MPPED2: variants seen among roughly 807,000 people sequenced by gnomAD.
The protein encoded by MPPED2 is metallophosphoesterase MPPED2.
A neutral mutation model predicts 33.0 loss-of-function variants in MPPED2; 5 were observed. The ratio of observed to expected loss-of-function variants is 0.15; its 90% CI spans 0.08 to 0.32. The LOEUF (loss-of-function observed/expected upper bound fraction) is 0.32, where lower values mean the gene tolerates loss of function less well. MPPED2 is among the 10% of genes least tolerant of loss of function. MPPED2 has a pLI of 1.00. For synonymous variants in MPPED2, 136 were observed against 141.9 expected (o/e 0.96, Z 0.29); for missense variants, 275 against 372.1 (o/e 0.74, Z 2.15).
chr11:30,498,441 C>T (rs764435959), intron 3 of MPPED2, among the ~76,000 whole-genome samples: 5 of 151,212 alleles, frequency 3.3e-5, no homozygotes, highest in African/African-American at 9.7e-5. Context: ...AAAAATTAGC[C>T]GGGTGTGGTA....
At chr11:30,524,598 A>G (rs1005995240) in intron 3 of MPPED2, among the ~76,000 whole-genome samples, 1 of 152,214 alleles carries the variant, frequency 6.6e-6, no homozygotes. Flanking sequence ...GTCAGGCTAT[A>G]GTGGGTGATC....
intron 6 of MPPED2, among the ~76,000 whole-genome samples, chr11:30,395,855 G>A (rs773364989): frequency 6.6e-6 from 1 of 152,200 alleles, no homozygotes; most frequent in East Asian, 1.9e-4. Flanking sequence ...ACATGTTCAC[G>A]GAGGTATTAA....
intron 6 of MPPED2, among the ~76,000 whole-genome samples, chr11:30,391,404 C>T (rs1471585468): frequency 2.0e-5 from 3 of 152,162 alleles, no homozygotes; most frequent in Non-Finnish European, 4.4e-5. Context: ...AGGTACCTAA[C>T]GTTATCAGTT....
At chr11:30,429,784 T>C (rs1234057381) in intron 4 of MPPED2, among the ~76,000 whole-genome samples, 1 of 152,178 alleles carries the variant, frequency 6.6e-6, no homozygotes, top group East Asian at 1.9e-4. Flanking sequence ...CCCTCAAGGC[T>C]CAATTCATAA....
At chr11:30,481,205 A>T (rs542590248) in intron 4 of MPPED2, among the ~76,000 whole-genome samples, 1 of 152,114 alleles carries the variant, frequency 6.6e-6, no homozygotes, top group Non-Finnish European at 1.5e-5. Flanking sequence ...CTATAATATG[A>T]ATAATGCCTT....
chr11:30,470,086 C>T (rs1434386149), intron 4 of MPPED2, among the ~76,000 whole-genome samples: 1 of 152,162 alleles, frequency 6.6e-6, no homozygotes, highest in Non-Finnish European at 1.5e-5. Context: ...ACTTTATCCA[C>T]TTTGATTTCA....
At chr11:30,431,235 G>A (rs2133845302) in intron 4 of MPPED2, among the ~76,000 whole-genome samples, 1 of 152,226 alleles carries the variant, frequency 6.6e-6, no homozygotes, top group East Asian at 1.9e-4. Context: ...TCTCTACATT[G>A]AGCCTCTGGC....
chr11:30,408,716 T>A (rs1289649342), downstream of MPPED2, among the ~76,000 whole-genome samples: 1 of 152,202 alleles, frequency 6.6e-6, no homozygotes, highest in Admixed American at 6.5e-5. Context: ...CCATTTTTCC[T>A]AGGGAAAGTT....
At chr11:30,503,059 C>T (rs1422960894) in intron 3 of MPPED2, among the ~76,000 whole-genome samples, 1 of 152,024 alleles carries the variant, frequency 6.6e-6, no homozygotes, top group Non-Finnish European at 1.5e-5. Context: ...AATTGTAGCT[C>T]CTGTTATCCC....
intron 4 of MPPED2, among the ~76,000 whole-genome samples, chr11:30,471,548 G>T (rs141586107): frequency 1.2e-3 from 183 of 152,336 alleles, no homozygotes; most frequent in African/African-American, 3.9e-3. Flanking sequence ...TACCCAAGCT[G>T]AATTGGGTGC....
rs199611856 is a variant in MPPED2 at position 30,583,134 on chromosome 11, C to CTTTTTTTTTTTTTTTTTTT, written c.-121-2659_-121-2641dup. 6.2e-4 allele frequency among the ~76,000 whole-genome samples: 60 copies of CTTTTTTTTTTTTTTTTTTT among 96,668 alleles called. 6 individuals are homozygous for CTTTTTTTTTTTTTTTTTTT. The highest frequency in any genetic ancestry group is 2.5e-3 in the African/African-American group (51 of 20,682). 63.4% of individuals were successfully genotyped at this position (96,668 alleles called of 152,430 possible). On this transcript the variant is annotated intron_variant, in intron 1 of 6. Coordinates refer to ENST00000358117, the MANE Select transcript of MPPED2 (RefSeq NM_001584.3). ...CACAAACACCTGGAAAAGACTTTTT[C>CTTTTTTTTTTTTTTTTTTT]TTTTTTTTTTTTTTTTTTTTTTTTT...
At chr11:30,442,394 A>G (rs898515478) in intron 4 of MPPED2, among the ~76,000 whole-genome samples, 1 of 152,228 alleles carries the variant, frequency 6.6e-6, no homozygotes, top group African/African-American at 2.4e-5. Context: ...ATTGCCCACT[A>G]TGTGTGAAAA....
chr11:30,467,965 T>A (rs1487154791), intron 4 of MPPED2, among the ~76,000 whole-genome samples: 1 of 151,288 alleles, frequency 6.6e-6, no homozygotes, highest in Admixed American at 6.6e-5. Flanking sequence ...TCCTTGGAGA[T>A]CACTTGGAAT....
chr11:30,447,901 A>G (rs746290730), intron 4 of MPPED2, among the ~76,000 whole-genome samples: 3 of 152,174 alleles, frequency 2.0e-5, no homozygotes, highest in Non-Finnish European at 4.4e-5. Flanking sequence ...CTTAGGGAGC[A>G]GATCCCCTTA....
At chr11:30,452,241 C>T (rs1950093401) in intron 4 of MPPED2, among the ~76,000 whole-genome samples, 1 of 152,192 alleles carries the variant, frequency 6.6e-6, no homozygotes, top group Admixed American at 6.5e-5. Flanking sequence ...TGTGCCCTTT[C>T]CCCTTTCACC....
chr11:30,558,153 T>C (rs1433076301), intron 2 of MPPED2, among the ~76,000 whole-genome samples: 1 of 152,108 alleles, frequency 6.6e-6, no homozygotes, highest in African/African-American at 2.4e-5. Flanking sequence ...CACACGTATA[T>C]ATTTTGTATG....
intron 2 of MPPED2, among the ~76,000 whole-genome samples, chr11:30,566,445 A>G (rs1956445548): frequency 6.6e-6 from 1 of 152,176 alleles, no homozygotes; most frequent in African/African-American, 2.4e-5. Context: ...GCATTAGTGT[A>G]CGAGTATCAG....
At chr11:30,538,704 C>G (rs1310867403) in intron 2 of MPPED2, among the ~76,000 whole-genome samples, 1 of 152,022 alleles carries the variant, frequency 6.6e-6, no homozygotes, top group Non-Finnish European at 1.5e-5. Flanking sequence ...CCAAAGTAGA[C>G]AGCAAGACAA....
At chr11:30,395,112 A>G (rs1217067381) in intron 6 of MPPED2, among the ~76,000 whole-genome samples, 1 of 152,126 alleles carries the variant, frequency 6.6e-6, no homozygotes, top group Non-Finnish European at 1.5e-5. Flanking sequence ...ATTTATCATA[A>G]TTGTTCAAGT....
Sources: allele counts gnomAD v4.1 joint callset (sites outside exome capture counted in the v4.1 genomes callset), GRCh38; gene constraint gnomAD v4.1.1; transcripts MANE v1.5; gene names NCBI Gene and HGNC (gene_info 2026-07-23, HGNC 2026-07-21).